The following CLNK variants were observed in gnomAD, a reference collection of about 807,000 sequenced individuals.
CLNK encodes cytokine-dependent hematopoietic cell linker.
CLNK carries 74 observed loss-of-function variants against 68.6 expected under a neutral mutation model. The observed-to-expected ratio is 1.08, with a 90% CI of 0.89 to 1.31. The LOEUF is 1.31. CLNK is among the 50% of genes most tolerant of loss of function. CLNK has a pLI of 0.00. For missense variants in CLNK, 553 were observed against 515.3 expected, an observed-to-expected ratio of 1.07 and a Z score of -0.71; for synonymous variants, 198 against 172.2, an observed-to-expected ratio of 1.15 and a Z score of -1.17.
intron 2 of CLNK, among the ~76,000 whole-genome samples, chr4:10,638,444 T>A (rs1397620103): frequency 6.6e-6 from 1 of 152,200 alleles, no homozygotes; most frequent in East Asian, 1.9e-4. Flanking sequence ...AAAGCAGATA[T>A]ATGAAATGAT....
chr4:10,699,512 A>ATATATATATATTTTTT, the CLNK span, among the ~76,000 whole-genome samples: 47 of 32,644 alleles, frequency 1.4e-3, no homozygotes, highest in Non-Finnish European at 1.8e-3. Flanking sequence ...ATATATATAT[A>ATATATATATATTTTTT]TTTTTTTTTT....
chr4:10,571,372 C>T (rs11936679), intron 5 of CLNK, among the ~76,000 whole-genome samples: 31,282 of 139,434 alleles, frequency 0.22, 3,769 homozygotes, highest in Middle Eastern at 0.3. Context: ...TTCGCTCTTG[C>T]CGCCCAGGCT....
chr4:10,551,607 CACTATGAAATACAATCAGAAATA>C (rs936221036), intron 8 of CLNK, among the ~76,000 whole-genome samples: 5 of 151,958 alleles, frequency 3.3e-5, no homozygotes, highest in South Asian at 2.1e-4. Context: ...CATGCAATAA[CACTATGAAATACAATCAGAAATA>C]ACTATGAAAT....
chr4:10,689,159 G>A (rs374356757), upstream of CLNK, among the ~76,000 whole-genome samples: 147 of 150,874 alleles, frequency 9.7e-4, 1 homozygote, highest in African/African-American at 3.2e-3. Context: ...CGGGGGCGAC[G>A]AGGTCTTACT....
At chr4:10,548,902 C>T (rs781186684) in intron 8 of CLNK, among the ~76,000 whole-genome samples, 2 of 152,202 alleles carry the variant, frequency 1.3e-5, no homozygotes, top group Non-Finnish European at 2.9e-5. Flanking sequence ...CCACTGACCA[C>T]GACAGCCCTG....
intron 1 of CLNK, among the ~76,000 whole-genome samples, chr4:10,675,584 T>A (rs958091888): frequency 2.6e-5 from 4 of 152,218 alleles, no homozygotes; most frequent in African/African-American, 9.6e-5. Context: ...TGATCCAAAA[T>A]TAATATTTCA....
intron 2 of CLNK, among the ~76,000 whole-genome samples, chr4:10,608,334 G>A (rs1721865466): frequency 6.6e-6 from 1 of 152,162 alleles, no homozygotes; most frequent in African/African-American, 2.4e-5. Flanking sequence ...CGGCCTGCTA[G>A]GCCCATTCCC....
intron 3 of CLNK, among the ~76,000 whole-genome samples, chr4:10,591,035 A>C (rs1483700292): frequency 1.3e-5 from 2 of 152,178 alleles, no homozygotes; most frequent in African/African-American, 2.4e-5. Flanking sequence ...TCCACCACTC[A>C]AAGGTGGAGC....
intron 18 of CLNK, among the ~76,000 whole-genome samples, chr4:10,500,121 A>G (rs1034058644): frequency 2.0e-5 from 3 of 152,170 alleles, no homozygotes; most frequent in Non-Finnish European, 4.4e-5. Context: ...TTAAAAGAAC[A>G]TTTACATTTG....
rs144647708 is a variant in CLNK at position 10,623,858 on chromosome 4, C to G, written c.12-25809G>C. 6.6e-5 allele frequency among the ~76,000 whole-genome samples: 10 copies of G among 152,324 alleles called. No homozygotes were observed. In the East Asian group the frequency reaches 1.7e-3, roughly 26 times the overall value. On this transcript the variant is annotated intron_variant, in intron 2 of 18. Transcript: ENST00000226951. ...GAAAACCTTCTGTGGAACTCTGAGTCAGGACAGTGATGTCTTCTCTTAAAC... is the reference window on the plus strand; with the variant it reads ...GAAAACCTTCTGTGGAACTCTGAGTGAGGACAGTGATGTCTTCTCTTAAAC...
the CLNK span, among the ~76,000 whole-genome samples, chr4:10,731,674 T>G: frequency 6.6e-6 from 1 of 152,188 alleles, no homozygotes; most frequent in Non-Finnish European, 1.5e-5. Flanking sequence ...TTCTTATGAG[T>G]GTGGCATCCT....
intron 2 of CLNK, among the ~76,000 whole-genome samples, chr4:10,615,129 G>A (rs529275747): frequency 4.6e-5 from 7 of 152,228 alleles, no homozygotes; most frequent in African/African-American, 1.7e-4. Context: ...GAGGTCGGCA[G>A]TGACCCGAGT....
intron 7 of CLNK, among the ~76,000 whole-genome samples, chr4:10,562,071 T>C (rs1209136838): frequency 6.6e-6 from 1 of 151,318 alleles, no homozygotes; most frequent in East Asian, 1.9e-4. Flanking sequence ...TTGGATCTTA[T>C]TGAAGATTCA....
the CLNK span, among the ~76,000 whole-genome samples, chr4:10,728,600 CTTTCTTTTTTT>C: frequency 2.4e-5 from 3 of 125,574 alleles, no homozygotes; most frequent in Non-Finnish European, 3.3e-5. Context: ...TTCTTTCTTT[CTTTCTTTTTTT>C]TTTTTTTTTT....
intron 4 of CLNK, among the ~76,000 whole-genome samples, chr4:10,580,158 G>A (rs58442828): frequency 0.17 from 26,179 of 151,986 alleles, 2,493 homozygotes; most frequent in African/African-American, 0.25. Context: ...TCCACTGATC[G>A]GATCCATATC....
chr4:10,514,364 G>T (rs1158301520), intron 15 of CLNK, among the ~76,000 whole-genome samples: 1 of 152,116 alleles, frequency 6.6e-6, no homozygotes, highest in Non-Finnish European at 1.5e-5. Flanking sequence ...AGTCATTTGG[G>T]TATATACCCA....
the CLNK span, among the ~76,000 whole-genome samples, chr4:10,699,512 A>ATGT: frequency 1.8e-4 from 6 of 32,764 alleles, no homozygotes; most frequent in South Asian, 1.3e-3. Context: ...ATATATATAT[A>ATGT]TTTTTTTTTT....
At chr4:10,566,264 T>A (rs1417204354) in intron 5 of CLNK, 114 bp from the exon 6 acceptor site, 1 of 1,010,776 alleles carries the variant, frequency 9.9e-7, no homozygotes, top group Non-Finnish European at 1.5e-6. Context: ...AGTTAAATAT[T>A]TAAGAATCTA....
intron 5 of CLNK, among the ~76,000 whole-genome samples, chr4:10,571,325 G>GTTT (rs1720333908): frequency 1.1e-5 from 1 of 91,044 alleles, no homozygotes; most frequent in South Asian, 3.8e-4. Context: ...TGTTGCTGTT[G>GTTT]CTTTTTTTTT....
Sources: gnomAD v4.1 joint callset for allele counts (sites outside exome capture counted in the v4.1 genomes callset) on GRCh38, gnomAD v4.1.1 for gene constraint, MANE v1.5 for transcripts, NCBI Gene and HGNC (gene_info 2026-07-23, HGNC 2026-07-21) for gene names.